TEX26: variants seen among roughly 807,000 people sequenced by gnomAD.
TEX26 encodes the protein testis-expressed protein 26.
A neutral mutation model predicts 35.3 loss-of-function variants in TEX26; 34 were observed. That is an observed-to-expected ratio of 0.96 (90% confidence interval 0.73 to 1.28). TEX26 has a LOEUF of 1.28. Among genes scored for constraint, TEX26 ranks in the 50% most tolerant of loss-of-function variants. The probability of loss-of-function intolerance (pLI) is 0.00; values close to 1 mark genes in which losing one functional copy is unlikely to be tolerated. For missense variants in TEX26, 371 were observed against 330.1 expected (o/e 1.12, Z -0.96); for synonymous variants, 136 against 111.8 (o/e 1.22, Z -1.36).
chr13:30,969,136 T>C, intron 6 of TEX26, 90 bp downstream of exon 6: 1 of 1,165,704 alleles, frequency 8.6e-7, no homozygotes, highest in Non-Finnish European at 1.2e-6. Context: ...CCACTGGAGT[T>C]GAATGCCCAC....
chr13:30,971,662 A>G (rs1182850708), intron 6 of TEX26, among the ~76,000 whole-genome samples: 2 of 152,238 alleles, frequency 1.3e-5, no homozygotes, highest in Non-Finnish European at 1.5e-5. Flanking sequence ...ACTATTTGGT[A>G]TTCAGTTTAT....
In TEX26 at chr13:30,974,928, G is replaced by A. The variant is rs1023784574; in HGVS notation, c.*21G>A. 2.0e-6 allele frequency: 3 copies of A among 1,497,780 alleles called. No homozygotes were observed. Among genetic ancestry groups the A allele is most frequent in the South Asian group, 1.3e-5 (1 of 77,536 alleles). 92.8% of individuals were successfully genotyped at this position (1,497,780 alleles called of 1,614,324 possible). On this transcript the variant is annotated 3_prime_UTR_variant, in exon 7 of 7. Transcript: ENST00000380473. ...AATGAAAAGGGAAAATAGTACAAAT[G>A]AAGAAAATCTGAAAATCAATGGAAG... is the stretch of plus-strand genomic sequence containing the variant.
intron 1 of TEX26, chr13:30,936,600 C>A: frequency 1.2e-6 from 1 of 822,250 alleles, no homozygotes; most frequent in Non-Finnish European, 1.5e-6. Context: ...CATAGGACAT[C>A]AGCACCACAT....
chr13:30,955,654 A>G (rs568047561), intron 3 of TEX26, among the ~76,000 whole-genome samples: 2 of 152,218 alleles, frequency 1.3e-5, no homozygotes, highest in Non-Finnish European at 2.9e-5. Flanking sequence ...TCTTTTTAAG[A>G]TAGGAGAAAT....
intron 3 of TEX26, among the ~76,000 whole-genome samples, chr13:30,953,074 C>G (rs552692088): frequency 1.5e-4 from 23 of 152,174 alleles, no homozygotes; most frequent in Non-Finnish European, 2.6e-4. Context: ...ATAAAATTAA[C>G]CTTTTAAAGT....
chr13:30,932,808 C>A (rs760942315), intron 1 of TEX26, 32 bp downstream of exon 1: 1 of 1,607,778 alleles, frequency 6.2e-7, no homozygotes, highest in South Asian at 1.1e-5. Context: ...GTCTGCGGGG[C>A]GGGGCTGGGG....
chr13:30,933,333 T>C (rs1176949715), intron 1 of TEX26: 1 of 152,438 alleles, frequency 6.6e-6, no homozygotes, highest in Admixed American at 6.5e-5. Flanking sequence ...CACAGAGATT[T>C]TGTATTTCAC....
intron 2 of TEX26, among the ~76,000 whole-genome samples, chr13:30,952,123 T>A (rs1171044568): frequency 6.7e-6 from 1 of 149,112 alleles, no homozygotes; most frequent in Non-Finnish European, 1.5e-5. Context: ...TTCATCTGAT[T>A]CAAGTTTTGC....
chr13:30,959,716 A>G (rs1267991732), intron 4 of TEX26, among the ~76,000 whole-genome samples: 1 of 152,194 alleles, frequency 6.6e-6, no homozygotes, highest in African/African-American at 2.4e-5. Context: ...TTCCAAACAC[A>G]ATGACAGAAT....
chr13:30,936,152 C>A (rs919904430), intron 1 of TEX26, among the ~76,000 whole-genome samples: 6 of 152,116 alleles, frequency 3.9e-5, no homozygotes, highest in Admixed American at 1.3e-4. Context: ...ATATCAATAC[C>A]TTGAATCCTC....
intron 1 of TEX26, among the ~76,000 whole-genome samples, chr13:30,934,571 G>A (rs769708327): frequency 6.6e-6 from 1 of 152,168 alleles, no homozygotes; most frequent in Non-Finnish European, 1.5e-5. Flanking sequence ...CAGGCCCTAG[G>A]GGAGAAGTGG....
At chr13:30,973,812 G>A (rs1201302629) in intron 6 of TEX26, among the ~76,000 whole-genome samples, 1 of 152,046 alleles carries the variant, frequency 6.6e-6, no homozygotes, top group Non-Finnish European at 1.5e-5. Flanking sequence ...TAACTGCTGG[G>A]AGTGAATAAA....
chr13:30,935,117 C>A (rs1358857580), intron 1 of TEX26, among the ~76,000 whole-genome samples: 1 of 152,246 alleles, frequency 6.6e-6, no homozygotes, highest in East Asian at 1.9e-4. Flanking sequence ...TCTGATCCCA[C>A]TGCCAGGCAA....
At chr13:30,958,263 T>C (rs1954211049) in intron 4 of TEX26, among the ~76,000 whole-genome samples, 1 of 152,188 alleles carries the variant, frequency 6.6e-6, no homozygotes, top group East Asian at 1.9e-4. Flanking sequence ...AAATGACATA[T>C]TTGGTGATTC....
rs562866206 is a variant in TEX26, at chr13:30,965,711, G to T, written c.470-511G>T. On this transcript the variant is annotated intron_variant, in intron 4 of 6. Coordinates refer to ENST00000380473, the MANE Select transcript of TEX26 (RefSeq NM_152325.3). ...TGCAGTGATGCCTAACCCTCCATCA[G>T]TAAGGGATAAGCTTCGAGTGTTTTT... 2.6e-5 allele frequency among the ~76,000 whole-genome samples: 4 copies of T among 152,214 alleles called. No individual in the cohort carries two copies. In the East Asian group the frequency reaches 7.7e-4, roughly 29 times the overall value.
intron 5 of TEX26, among the ~76,000 whole-genome samples, chr13:30,968,254 A>AG (rs886846598): frequency 2.0e-5 from 3 of 152,132 alleles, no homozygotes; most frequent in African/African-American, 7.2e-5. Flanking sequence ...AGGTTATGGG[A>AG]GGGGGAGAAG....
At chr13:30,932,860 A>G in intron 1 of TEX26, 84 bp downstream of exon 1, 1 of 1,471,196 alleles carries the variant, frequency 6.8e-7, no homozygotes. Context: ...AAGGGGCCTT[A>G]GTATTTAAGG....
At chr13:30,973,988 G>A (rs903673202) in intron 6 of TEX26, among the ~76,000 whole-genome samples, 1 of 151,438 alleles carries the variant, frequency 6.6e-6, no homozygotes, top group Non-Finnish European at 1.5e-5. Flanking sequence ...GGGCATGGTG[G>A]TTCATGCCTG....
At chr13:30,966,884 TG>T (rs1222753781) in intron 5 of TEX26, among the ~76,000 whole-genome samples, 6 of 152,172 alleles carry the variant, frequency 3.9e-5, no homozygotes, top group African/African-American at 1.4e-4. Context: ...ACCTTGTCGC[TG>T]CAGCTCCCAA....
Sources: gnomAD v4.1 joint callset for allele counts (sites outside exome capture counted in the v4.1 genomes callset) on GRCh38, gnomAD v4.1.1 for gene constraint, MANE v1.5 for transcripts, NCBI Gene and HGNC (gene_info 2026-07-23, HGNC 2026-07-21) for gene names.